Variants in TSNARE1 observed in about 807,000 individuals in gnomAD.
TSNARE1 encodes t-SNARE domain-containing protein 1.
In TSNARE1, 49 loss-of-function variants were observed where a neutral mutation model predicts 62.0. That is an observed-to-expected ratio of 0.79 (90% CI 0.63 to 1.00). TSNARE1 has a LOEUF of 1.00. Ranked by LOEUF, TSNARE1 falls within the 50% of genes least tolerant of loss-of-function variation. The pLI is 0.00. For missense variants in TSNARE1, 755 were observed against 700.1 expected, an observed-to-expected ratio of 1.08 and a Z score of -0.88; for synonymous variants, 328 against 294.4, an observed-to-expected ratio of 1.11 and a Z score of -1.17.
chr8:142,222,932 C>CATT (rs1291106588), intron 13 of TSNARE1, among the ~76,000 whole-genome samples: 1 of 135,934 alleles, frequency 7.4e-6, no homozygotes, highest in African/African-American at 2.8e-5. Context: ...ATTCACTCAT[C>CATT]CACTCATTCA....
At chr8:142,315,147 C>A in intron 7 of TSNARE1, 55 bp from the exon 8 acceptor site, 1 of 1,571,152 alleles carries the variant, frequency 6.4e-7, no homozygotes, top group Non-Finnish European at 8.7e-7. Context: ...GCCCCAGCAG[C>A]CCCCACCACC....
chr8:142,214,887 A>G (rs1395570132), intron 13 of TSNARE1, among the ~76,000 whole-genome samples: 2 of 152,194 alleles, frequency 1.3e-5, no homozygotes, highest in Non-Finnish European at 2.9e-5. Context: ...TCCAGCCTCC[A>G]GGGCAAAGAG....
chr8:142,223,108 A>ATC (rs1816521655), intron 13 of TSNARE1, among the ~76,000 whole-genome samples: 1 of 121,598 alleles, frequency 8.2e-6, no homozygotes, highest in Non-Finnish European at 1.6e-5. Context: ...TCATTCACTC[A>ATC]CTCGTTCACT....
Position 142,344,396 on chromosome 8 carries a change from CG to C in TSNARE1, c.314del (p.Ser105TrpfsTer36). 1 of 1,585,562 alleles carries C rather than the reference CG, an allele frequency of 6.3e-7. No homozygotes were observed. The highest frequency in any genetic ancestry group is 1.4e-5 in the African/African-American group (1 of 73,956). ...SSPTIGPRKD[S>X]AAGPHGRMAG... ...CCATCCGGCCATGGGGCCCAGCAGC[CG>C]AGTCCTTCCTCGGGCCAATGGTGGG... On this transcript the variant is annotated frameshift_variant, in exon 4 of 14. Transcript: ENST00000524325. LOFTEE classifies it high-confidence loss of function.
Position 142,291,258 on chromosome 8 carries a change from G to C in TSNARE1, c.1291-6773C>G, listed in dbSNP as rs1002868378. The stretch of plus-strand genomic sequence containing the variant: ...AAAGTCGGCTCTCCAGCATCGCGGT[G>C]AGGATGGCCTTGTGCTGGAGTAGGG... On this transcript the variant is annotated intron_variant, in intron 10 of 13. Transcript: ENST00000524325. This position sits in a 1 kb window ranked among gnomAD's most constrained non-coding sequence, Gnocchi z 4.8. Among the ~76,000 whole-genome samples the C allele has an allele frequency of 6.6e-6, 1 of 151,860 alleles. No individual in the cohort carries two copies. Among genetic ancestry groups the C allele is most frequent in the South Asian group, 2.1e-4 (1 of 4,810 alleles).
At chr8:142,265,121 A>C (rs201081973) in intron 12 of TSNARE1, among the ~76,000 whole-genome samples, 4 of 15,518 alleles carry the variant, frequency 2.6e-4, no homozygotes, top group African/African-American at 1.1e-3. Context: ...CTTTCTACTC[A>C]GTTTGTGTGT....
At chr8:142,388,670 G>C (rs908512777) in intron 1 of TSNARE1, among the ~76,000 whole-genome samples, 1 of 142,858 alleles carries the variant, frequency 7.0e-6, no homozygotes, top group Non-Finnish European at 1.5e-5. Flanking sequence ...TCATTCTCTT[G>C]ACTCAGCCTC....
At position 142,257,954 on chromosome 8, in the gene TSNARE1, C is replaced by A. The variant is rs150823949; in HGVS notation, c.1446+16827G>T. On this transcript the variant is annotated intron_variant, in intron 12 of 13. Coordinates refer to ENST00000524325, the MANE Select transcript of TSNARE1 (RefSeq NM_145003.5). ...TACGCACACAACACCCAAGCTCACA[C>A]ACACACACACCACCCGTGCTGTCTC... is the stretch of plus-strand genomic sequence containing the variant. Among the ~76,000 whole-genome samples, 158 of 152,278 alleles carry A rather than the reference C, an allele frequency of 1.0e-3. 1 individual carries two copies. Among genetic ancestry groups the A allele is most frequent in the South Asian group, 2.1e-3 (10 of 4,830 alleles).
At chr8:142,362,361 T>G (rs1835228775) in intron 1 of TSNARE1, among the ~76,000 whole-genome samples, 1 of 152,154 alleles carries the variant, frequency 6.6e-6, no homozygotes, top group Admixed American at 6.5e-5. Flanking sequence ...GTAGGTCACC[T>G]CCCTGCCCTG....
chr8:142,225,463 C>A (rs538121585), intron 13 of TSNARE1, among the ~76,000 whole-genome samples: 3 of 151,842 alleles, frequency 2.0e-5, no homozygotes, highest in African/African-American at 7.3e-5. Flanking sequence ...TGCTCACATG[C>A]GGGCTGTACC....
intron 1 of TSNARE1, among the ~76,000 whole-genome samples, chr8:142,395,858 C>T (rs1219525883): frequency 1.3e-5 from 2 of 152,212 alleles, no homozygotes; most frequent in African/African-American, 2.4e-5. Flanking sequence ...TGTTGTGTTG[C>T]TTCTTTCTAA....
chr8:142,303,599 G>A (rs1826147430), intron 9 of TSNARE1, among the ~76,000 whole-genome samples: 1 of 152,236 alleles, frequency 6.6e-6, no homozygotes, highest in Non-Finnish European at 1.5e-5. Flanking sequence ...TGGAGCAGAT[G>A]GACAGGTGAC....
intron 11 of TSNARE1, chr8:142,280,331 A>G (rs1383488783): frequency 2.0e-6 from 2 of 985,184 alleles, no homozygotes; most frequent in Non-Finnish European, 2.4e-6. Flanking sequence ...GACCCTGGAA[A>G]GGCACCAGAG....
Position 142,334,819 on chromosome 8 carries a change from C to G in TSNARE1, c.746-2988G>C, listed in dbSNP as rs369480542. Reference sequence around the variant, plus strand: ...GTCTTTAAAGTGCTGGACGGAAAAACCTGCAACTAGAATTCTACACCCACT... The same window carrying G: ...GTCTTTAAAGTGCTGGACGGAAAAAGCTGCAACTAGAATTCTACACCCACT... On this transcript the variant is annotated intron_variant, in intron 4 of 13. Coordinates refer to ENST00000524325, the MANE Select transcript of TSNARE1 (RefSeq NM_145003.5). 1.6e-4 allele frequency among the ~76,000 whole-genome samples: 24 copies of G among 152,190 alleles called. 1 individual carries two copies. The South Asian group carries it at 5.0e-3, about 32-fold the overall frequency.
At chr8:142,312,575 C>T (rs1827767670) in intron 9 of TSNARE1, among the ~76,000 whole-genome samples, 1 of 152,150 alleles carries the variant, frequency 6.6e-6, no homozygotes, top group Non-Finnish European at 1.5e-5. Context: ...GCCTTAAAAT[C>T]CAACTTTCGT....
chr8:142,331,932 G>T, intron 4 of TSNARE1, 101 bp from the exon 5 acceptor site: 1 of 1,194,062 alleles, frequency 8.4e-7, no homozygotes, highest in South Asian at 1.3e-5. Context: ...GCAGGGACCC[G>T]ACAGGCAGCA....
intron 10 of TSNARE1, among the ~76,000 whole-genome samples, chr8:142,288,455 T>C (rs1823156616): frequency 6.6e-6 from 1 of 152,216 alleles, no homozygotes; most frequent in Admixed American, 6.5e-5. Flanking sequence ...CCGGAGGCAG[T>C]GGCAGAAGTG....
At chr8:142,381,269 G>A (rs1836722253) in intron 1 of TSNARE1, among the ~76,000 whole-genome samples, 1 of 152,232 alleles carries the variant, frequency 6.6e-6, no homozygotes, top group Non-Finnish European at 1.5e-5. Context: ...GGCAGCCCAA[G>A]GCCATGTCTC....
intron 13 of TSNARE1, among the ~76,000 whole-genome samples, chr8:142,222,816 TCAC>T (rs1816456512): frequency 3.0e-4 from 1 of 3,366 alleles, no homozygotes; most frequent in Non-Finnish European, 9.8e-4. Context: ...ACTCATTCAC[TCAC>T]TCACTCACTC....
Sources: gnomAD v4.1 joint callset for allele counts (sites outside exome capture counted in the v4.1 genomes callset) on GRCh38, gnomAD v4.1.1 for gene constraint, Gnocchi (gnomAD v3.1) non-coding constraint, MANE v1.5 for transcripts, NCBI Gene and HGNC (gene_info 2026-07-23, HGNC 2026-07-21) for gene names.